Variants in QTMAN observed in about 807,000 individuals in gnomAD.
QTMAN encodes the protein tRNA-queuosine alpha-mannosyltransferase.
the QTMAN span, among the ~76,000 whole-genome samples, chr2:144,295,629 T>G: frequency 6.6e-6 from 1 of 152,154 alleles, no homozygotes; most frequent in Non-Finnish European, 1.5e-5. Flanking sequence ...TTTTTGTATT[T>G]TGAGACAGGG....
At chr2:144,095,983 A>T in the QTMAN span, among the ~76,000 whole-genome samples, 1 of 152,168 alleles carries the variant, frequency 6.6e-6, no homozygotes, top group Non-Finnish European at 1.5e-5. Context: ...ATACATAAAA[A>T]TCTTATACAA....
At chr2:144,283,039 A>G in the QTMAN span, among the ~76,000 whole-genome samples, 2 of 152,076 alleles carry the variant, frequency 1.3e-5, no homozygotes, top group African/African-American at 2.4e-5. Flanking sequence ...CACCCTACAC[A>G]TCTCTTCATC....
the QTMAN span, among the ~76,000 whole-genome samples, chr2:144,241,793 T>C: frequency 1.3e-4 from 20 of 151,744 alleles, no homozygotes; most frequent in Non-Finnish European, 2.1e-4. Flanking sequence ...ATTTACTATG[T>C]GACTACAAAG....
the QTMAN span, among the ~76,000 whole-genome samples, chr2:144,146,846 T>G: frequency 4.0e-5 from 6 of 151,822 alleles, no homozygotes; most frequent in African/African-American, 1.5e-4. Flanking sequence ...TCAAGAAGGT[T>G]AAGAGTTTTT....
the QTMAN span, among the ~76,000 whole-genome samples, chr2:144,189,328 T>TGTA: frequency 1.3e-5 from 2 of 152,162 alleles, no homozygotes; most frequent in Non-Finnish European, 2.9e-5. Context: ...CCCAAGGCCC[T>TGTA]CCTGCAGGGC....
At chr2:144,239,413 G>T in the QTMAN span, among the ~76,000 whole-genome samples, 1 of 152,044 alleles carries the variant, frequency 6.6e-6, no homozygotes, top group Non-Finnish European at 1.5e-5. Context: ...GCTAGCATCC[G>T]TGAGTCCTCT....
the QTMAN span, among the ~76,000 whole-genome samples, chr2:144,262,327 G>GT: frequency 1.3e-5 from 2 of 152,002 alleles, no homozygotes; most frequent in Non-Finnish European, 2.9e-5. Context: ...GTCAAGGGCT[G>GT]TAACAATGAA....
the QTMAN span, among the ~76,000 whole-genome samples, chr2:144,318,615 C>A: frequency 1.3e-5 from 2 of 152,208 alleles, no homozygotes; most frequent in Non-Finnish European, 2.9e-5. Flanking sequence ...TTTTTCCTAG[C>A]AGGATGGCGA....
At chr2:144,017,249 C>G in the QTMAN span, among the ~76,000 whole-genome samples, 1 of 152,102 alleles carries the variant, frequency 6.6e-6, no homozygotes, top group African/African-American at 2.4e-5. Flanking sequence ...GTGATCCACC[C>G]ACCTCGGCCT....
the QTMAN span, among the ~76,000 whole-genome samples, chr2:144,296,469 G>A: frequency 1.4e-4 from 21 of 152,000 alleles, no homozygotes; most frequent in Non-Finnish European, 2.6e-4. Flanking sequence ...AAAGTTACAA[G>A]ATTCTACCTT....
chr2:144,182,798 T>TATAATATATATAA, the QTMAN span, among the ~76,000 whole-genome samples: 1 of 26,138 alleles, frequency 3.8e-5, no homozygotes, highest in Non-Finnish European at 9.5e-5. Context: ...TATATATATA[T>TATAATATATATAA]TATATATATA....
At chr2:144,202,445 T>A in the QTMAN span, among the ~76,000 whole-genome samples, 1 of 152,206 alleles carries the variant, frequency 6.6e-6, no homozygotes, top group African/African-American at 2.4e-5. Context: ...GAACTAACCA[T>A]GAAGACACTA....
At chr2:144,006,864 T>C in the QTMAN span, 1 of 219,292 alleles carries the variant, frequency 4.6e-6, no homozygotes, top group Admixed American at 5.6e-5. Flanking sequence ...TGTGTGTGTG[T>C]GTGCATAAAA....
the QTMAN span, among the ~76,000 whole-genome samples, chr2:144,105,283 G>A: frequency 1.3e-5 from 2 of 152,272 alleles, no homozygotes; most frequent in East Asian, 3.9e-4. Flanking sequence ...GAGAGAAGAA[G>A]GCTTCAGATG....
the QTMAN span, among the ~76,000 whole-genome samples, chr2:144,235,978 AATT>A: frequency 6.6e-6 from 1 of 150,738 alleles, no homozygotes; most frequent in Non-Finnish European, 1.5e-5. Context: ...TAATAATAAT[AATT>A]ATTATTATTA....
the QTMAN span, among the ~76,000 whole-genome samples, chr2:144,052,315 A>G: frequency 6.6e-6 from 1 of 152,224 alleles, no homozygotes; most frequent in African/African-American, 2.4e-5. Flanking sequence ...GGATGAAGTA[A>G]TCTACTGGCA....
chr2:144,079,132 T>A, the QTMAN span, among the ~76,000 whole-genome samples: 4 of 152,264 alleles, frequency 2.6e-5, no homozygotes, highest in East Asian at 7.7e-4. Context: ...TATCAAACAA[T>A]TTATTGTGCA....
chr2:144,080,635 G>A, the QTMAN span, among the ~76,000 whole-genome samples: 7 of 152,086 alleles, frequency 4.6e-5, no homozygotes, highest in Non-Finnish European at 8.8e-5. Context: ...AAATCTATTT[G>A]GAGAAAAATA....
chr2:144,275,694 G>A, the QTMAN span, among the ~76,000 whole-genome samples: 1 of 152,230 alleles, frequency 6.6e-6, no homozygotes, highest in East Asian at 1.9e-4. Context: ...TGATTGCAGG[G>A]AAGCTTAATG....
Sources: gnomAD v4.1 joint callset for allele counts (sites outside exome capture counted in the v4.1 genomes callset) on GRCh38, gnomAD v4.1.1 for gene constraint, MANE v1.5 for transcripts, NCBI Gene and HGNC (gene_info 2026-07-23, HGNC 2026-07-21) for gene names.